The following NRXN1 variants were observed in gnomAD, a reference collection of about 807,000 sequenced individuals.
NRXN1 encodes the protein neurexin 1.
Under a neutral mutation model 150.9 loss-of-function variants are expected in NRXN1, and 39 were observed. That is an observed-to-expected ratio of 0.26 (90% CI 0.20 to 0.34). The LOEUF (loss-of-function observed/expected upper bound fraction) is 0.34, where lower values mean the gene tolerates loss of function less well. Ranked by LOEUF, NRXN1 falls within the 10% of genes least tolerant of loss-of-function variation. The pLI is 1.00. For missense variants in NRXN1, 1,815 were observed against 1,949.9 expected (o/e 0.93, Z 1.30); for synonymous variants, 924 against 757.0 (o/e 1.22, Z -3.62).
At chr2:50,592,668 G>C (rs11896341) in intron 8 of NRXN1, among the ~76,000 whole-genome samples, 2,417 of 152,268 alleles carry the variant, frequency 0.016, 73 homozygotes, top group African/African-American at 0.055. Context: ...TCAGGGCTTA[G>C]ACTTTGTTGA....
At chr2:50,999,435 A>G (rs559455201) in intron 2 of NRXN1, among the ~76,000 whole-genome samples, 1 of 152,076 alleles carries the variant, frequency 6.6e-6, no homozygotes, top group East Asian at 2.0e-4. Flanking sequence ...GAGGAGTAAA[A>G]GGGAAAAGGA....
chr2:50,675,942 A>T (rs951243597), intron 5 of NRXN1, among the ~76,000 whole-genome samples: 1 of 152,112 alleles, frequency 6.6e-6, no homozygotes, highest in Non-Finnish European at 1.5e-5. Flanking sequence ...AAAAGACAAA[A>T]TATTCATTAA....
intron 18 of NRXN1, among the ~76,000 whole-genome samples, chr2:50,144,796 A>G (rs1323453135): frequency 6.6e-6 from 1 of 151,734 alleles, no homozygotes; most frequent in African/African-American, 2.4e-5. Context: ...GGACGAGTTG[A>G]TTACCTATTT....
intron 5 of NRXN1, among the ~76,000 whole-genome samples, chr2:50,788,963 G>A (rs1705550229): frequency 6.6e-6 from 1 of 152,144 alleles, no homozygotes; most frequent in African/African-American, 2.4e-5. Flanking sequence ...GGAAAAACAT[G>A]AGGAGTAGGA....
chr2:50,540,398 A>C (rs1239718917), intron 9 of NRXN1, among the ~76,000 whole-genome samples: 1 of 152,232 alleles, frequency 6.6e-6, no homozygotes, highest in Non-Finnish European at 1.5e-5. Context: ...AAAATTTATA[A>C]TATTGAAAGA....
At chr2:50,836,324 TA>T (rs1233848204) in intron 5 of NRXN1, among the ~76,000 whole-genome samples, 1 of 152,132 alleles carries the variant, frequency 6.6e-6, no homozygotes, top group East Asian at 1.9e-4. Flanking sequence ...TTTTTTGTGG[TA>T]AAAACATTTA....
Position 50,347,124 on chromosome 2 carries a change from C to A in NRXN1, c.3365-110154G>T, listed in dbSNP as rs895670671. On this transcript the variant is annotated intron_variant, in intron 17 of 22. Transcript: ENST00000401669. This position sits in a 1 kb window ranked among gnomAD's most constrained non-coding sequence, Gnocchi z 4.9. Reference sequence around the variant, plus strand: ...ACAGTCTTCTCGGGGTCCTGGAGTCCGCCGTGCCTAGCACCCCAAACAATC... The same window carrying A: ...ACAGTCTTCTCGGGGTCCTGGAGTCAGCCGTGCCTAGCACCCCAAACAATC... The A allele has an allele frequency of 7.9e-6, 11 of 1,385,422 alleles. No homozygotes were observed. Among genetic ancestry groups the A allele is most frequent in the South Asian group, 1.2e-5 (1 of 81,840 alleles). The allele number at this position is 1,385,422 out of a possible 1,614,324, so 85.8% of individuals were successfully genotyped here.
intron 5 of NRXN1, among the ~76,000 whole-genome samples, chr2:50,693,734 A>G (rs9750167): frequency 0.11 from 16,608 of 152,214 alleles, 961 homozygotes; most frequent in Middle Eastern, 0.17. Flanking sequence ...TATATTTTCA[A>G]AATTGCAGAT....
At chr2:50,064,123 G>C (rs919498895) in intron 19 of NRXN1, among the ~76,000 whole-genome samples, 3 of 151,848 alleles carry the variant, frequency 2.0e-5, no homozygotes, top group African/African-American at 4.8e-5. Context: ...TGACCATTTA[G>C]TGTCCACTAA....
Position 50,281,322 on chromosome 2 carries a change from C to CAATAAT in NRXN1, c.3365-44358_3365-44353dup, listed in dbSNP as rs371009865. Among the ~76,000 whole-genome samples, 22 of 149,046 alleles carry CAATAAT rather than the reference C, an allele frequency of 1.5e-4. No homozygotes were observed. The East Asian group carries it at 2.6e-3, about 18-fold the overall frequency. On this transcript the variant is annotated intron_variant, in intron 17 of 22. Transcript: ENST00000401669. ...ACAGAGCAAGACTCCGTCTCAAAAA[C>CAATAAT]AATAATAATAATAATAATCCATAAT...
intron 21 of NRXN1, among the ~76,000 whole-genome samples, chr2:50,031,644 A>G (rs1689194189): frequency 6.6e-6 from 1 of 152,122 alleles, no homozygotes; most frequent in African/African-American, 2.4e-5. Flanking sequence ...CTAACTGTGT[A>G]TTTAGAAAAT....
intron 5 of NRXN1, among the ~76,000 whole-genome samples, chr2:50,687,119 C>A (rs1307399143): frequency 6.6e-6 from 1 of 152,068 alleles, no homozygotes; most frequent in African/African-American, 2.4e-5. Flanking sequence ...TATCTGCAAA[C>A]CAGTGAATAT....
intron 17 of NRXN1, among the ~76,000 whole-genome samples, chr2:50,463,715 A>G (rs1204139495): frequency 1.3e-5 from 2 of 151,788 alleles, no homozygotes; most frequent in African/African-American, 2.4e-5. Context: ...TATATTCTTT[A>G]TATTTAACTG....
At chr2:50,070,662 C>T (rs932412908) in intron 19 of NRXN1, among the ~76,000 whole-genome samples, 2 of 147,224 alleles carry the variant, frequency 1.4e-5, no homozygotes, top group South Asian at 2.2e-4. Context: ...CCCAGCTACT[C>T]GGGAGGCTGA....
At chr2:50,229,527 A>G (rs963388190) in intron 18 of NRXN1, among the ~76,000 whole-genome samples, 1 of 152,048 alleles carries the variant, frequency 6.6e-6, no homozygotes, top group Admixed American at 6.6e-5. Flanking sequence ...ATTATTGCTC[A>G]TCATTTCTTC....
chr2:50,877,603 T>A (rs1023561156), intron 5 of NRXN1, among the ~76,000 whole-genome samples: 1 of 151,964 alleles, frequency 6.6e-6, no homozygotes, highest in African/African-American at 2.4e-5. Context: ...GTTTTCCAAA[T>A]TCATATTTTG....
At chr2:50,458,785 T>C (rs2087858327) in intron 17 of NRXN1, among the ~76,000 whole-genome samples, 1 of 152,124 alleles carries the variant, frequency 6.6e-6, no homozygotes, top group Non-Finnish European at 1.5e-5. Context: ...TTTCACCATA[T>C]TGGCCAGGAT....
chr2:51,012,131 G>A (rs551289118), intron 2 of NRXN1, among the ~76,000 whole-genome samples: 1 of 152,004 alleles, frequency 6.6e-6, no homozygotes, highest in Non-Finnish European at 1.5e-5. Context: ...CCAAAACGTT[G>A]TTTCACCAAA....
At chr2:50,204,957 A>C (rs978362068) in intron 18 of NRXN1, among the ~76,000 whole-genome samples, 1 of 152,044 alleles carries the variant, frequency 6.6e-6, no homozygotes, top group Non-Finnish European at 1.5e-5. Flanking sequence ...TGCTTGTTAA[A>C]TTTATAAAGT....
Sources: gnomAD v4.1 joint callset for allele counts (sites outside exome capture counted in the v4.1 genomes callset) on GRCh38, gnomAD v4.1.1 for gene constraint, Gnocchi (gnomAD v3.1) non-coding constraint, MANE v1.5 for transcripts, NCBI Gene and HGNC (gene_info 2026-07-23, HGNC 2026-07-21) for gene names.